TTLL11: variants seen among roughly 807,000 people sequenced by gnomAD.
TTLL11 encodes tubulin tyrosine ligase like 11.
In TTLL11, 42 loss-of-function variants were observed where a neutral mutation model predicts 51.7. That is an observed-to-expected ratio of 0.81 (90% CI 0.64 to 1.05). TTLL11 has a LOEUF of 1.05. Among genes scored for constraint, TTLL11 ranks in the 50% least tolerant of loss-of-function variants. The pLI, the probability that TTLL11 is intolerant of heterozygous loss-of-function variation, is 0.00. For missense variants in TTLL11, 799 were observed against 940.4 expected, an observed-to-expected ratio of 0.85 and a Z score of 1.97; for synonymous variants, 381 against 383.5, an observed-to-expected ratio of 0.99 and a Z score of 0.08.
At chr9:121,872,025 G>A (rs1838377119) in intron 6 of TTLL11, among the ~76,000 whole-genome samples, 1 of 152,220 alleles carries the variant, frequency 6.6e-6, no homozygotes, top group African/African-American at 2.4e-5. Context: ...ATGCTGCCTG[G>A]TTGACTAACT....
At chr9:121,960,339 C>T (rs1842178911) in intron 6 of TTLL11, among the ~76,000 whole-genome samples, 1 of 152,132 alleles carries the variant, frequency 6.6e-6, no homozygotes, top group Non-Finnish European at 1.5e-5. Flanking sequence ...GTGCATTATT[C>T]TGTTGGTGGA....
chr9:121,921,928 C>T (rs939008640), intron 6 of TTLL11, among the ~76,000 whole-genome samples: 3 of 152,198 alleles, frequency 2.0e-5, no homozygotes, highest in Admixed American at 6.5e-5. Flanking sequence ...TCTGAGCCCA[C>T]GGAGGAACCC....
chr9:121,834,829 GAAA>G lies in TTLL11; in HGVS notation c.1841-11953_1841-11951del, dbSNP rs201992639. Among the ~76,000 whole-genome samples, 1,310 of 141,178 alleles carry G rather than the reference GAAA, an allele frequency of 9.3e-3. 23 individuals are homozygous for G. Among genetic ancestry groups the G allele is most frequent in the African/African-American group, 0.033 (1,247 of 38,016 alleles). The allele number at this position is 141,178 out of a possible 152,430, so 92.6% of individuals were successfully genotyped here. ...GCGACAGAGTGAGACTCTGTCTCAG[GAAA>G]AAAAAAAAAAAATAGTGGCACAAGT... On this transcript the variant is annotated intron_variant, in intron 8 of 8. Coordinates refer to ENST00000321582, the MANE Select transcript of TTLL11 (RefSeq NM_001139442.2).
At chr9:121,973,898 T>A in intron 6 of TTLL11, 111 bp downstream of exon 6, 1 of 640,366 alleles carries the variant, frequency 1.6e-6, no homozygotes. Flanking sequence ...TTGTTTAAGA[T>A]GTAAATCTCA....
chr9:122,013,475 C>T (rs1024356116), intron 3 of TTLL11, among the ~76,000 whole-genome samples: 2 of 152,194 alleles, frequency 1.3e-5, no homozygotes, highest in African/African-American at 4.8e-5. Context: ...GGTCTCCCAA[C>T]AGAGGAAATG....
chr9:121,942,424 TTA>T (rs1841510650), intron 6 of TTLL11, among the ~76,000 whole-genome samples: 1 of 152,198 alleles, frequency 6.6e-6, no homozygotes, highest in East Asian at 1.9e-4. Context: ...CTTGTGTATT[TTA>T]TGTCTCCCTC....
At chr9:121,895,661 TTGTG>T (rs1254593417) in intron 6 of TTLL11, among the ~76,000 whole-genome samples, 7 of 143,032 alleles carry the variant, frequency 4.9e-5, no homozygotes, top group East Asian at 2.3e-4. Context: ...GTATGTGTGG[TTGTG>T]TGTGTTTATG....
chr9:121,861,157 G>A (rs995207035), intron 7 of TTLL11, among the ~76,000 whole-genome samples: 5 of 150,280 alleles, frequency 3.3e-5, no homozygotes, highest in Admixed American at 6.7e-5. Flanking sequence ...TTGTAATCTC[G>A]GCTCACTGCA....
At chr9:121,833,303 A>C (rs1349664215) in intron 8 of TTLL11, among the ~76,000 whole-genome samples, 3 of 152,142 alleles carry the variant, frequency 2.0e-5, no homozygotes, top group Non-Finnish European at 4.4e-5. Flanking sequence ...GCCCCTGACA[A>C]ACGATGGCCT....
intron 8 of TTLL11, among the ~76,000 whole-genome samples, chr9:121,846,833 C>T (rs1837527932): frequency 1.3e-5 from 2 of 152,040 alleles, no homozygotes; most frequent in African/African-American, 2.4e-5. Context: ...GAAGAAAGAT[C>T]TAAAATCAAT....
At chr9:121,897,229 C>T (rs1839558006) in intron 6 of TTLL11, among the ~76,000 whole-genome samples, 2 of 152,132 alleles carry the variant, frequency 1.3e-5, no homozygotes, top group African/African-American at 2.4e-5. Flanking sequence ...TTTTCCACAG[C>T]GGATATCCAC....
intron 4 of TTLL11, among the ~76,000 whole-genome samples, chr9:121,978,352 C>T (rs1220744466): frequency 6.6e-6 from 1 of 152,114 alleles, no homozygotes; most frequent in Non-Finnish European, 1.5e-5. Context: ...GTTTTCAAAC[C>T]GGGGTTCTTT....
intron 6 of TTLL11, among the ~76,000 whole-genome samples, chr9:121,883,722 G>C (rs540887007): frequency 1.3e-5 from 2 of 152,340 alleles, no homozygotes; most frequent in East Asian, 1.9e-4. Flanking sequence ...ACAGTTTGCA[G>C]TGGTGTTTCT....
At chr9:121,990,442 C>T (rs1300053916) in intron 3 of TTLL11, among the ~76,000 whole-genome samples, 2 of 152,204 alleles carry the variant, frequency 1.3e-5, no homozygotes, top group African/African-American at 4.8e-5. Context: ...CAATCCAAAG[C>T]CTGGCTGTCA....
At chr9:122,030,182 G>C (rs1399638766) in intron 3 of TTLL11, among the ~76,000 whole-genome samples, 1 of 124,490 alleles carries the variant, frequency 8.0e-6, no homozygotes, top group Admixed American at 9.5e-5. Flanking sequence ...AGCATGAGCA[G>C]AGCCACAGAA....
chr9:122,016,750 A>G (rs1224454468), intron 3 of TTLL11, among the ~76,000 whole-genome samples: 1 of 152,230 alleles, frequency 6.6e-6, no homozygotes, highest in Non-Finnish European at 1.5e-5. Flanking sequence ...ATTATTGAAC[A>G]GGTTTTTGGC....
intron 3 of TTLL11, among the ~76,000 whole-genome samples, chr9:122,030,200 AT>A (rs368236909): frequency 2.6e-4 from 20 of 76,014 alleles, no homozygotes; most frequent in African/African-American, 8.1e-4. Flanking sequence ...GAAGAGAGAC[AT>A]TGGGGGGGGG....
intron 6 of TTLL11, among the ~76,000 whole-genome samples, chr9:121,909,218 C>T (rs1840033835): frequency 6.6e-6 from 1 of 152,194 alleles, no homozygotes; most frequent in South Asian, 2.1e-4. Context: ...GTGACCAACT[C>T]AGCATTCCAC....
intron 1 of TTLL11, among the ~76,000 whole-genome samples, chr9:122,070,063 A>C (rs927668576): frequency 1.3e-5 from 2 of 151,944 alleles, no homozygotes; most frequent in African/African-American, 4.8e-5. Flanking sequence ...CAAACTTCTT[A>C]GGGTTTAGTG....
Sources: gnomAD v4.1 joint callset for allele counts (sites outside exome capture counted in the v4.1 genomes callset) on GRCh38, gnomAD v4.1.1 for gene constraint, MANE v1.5 for transcripts, NCBI Gene and HGNC (gene_info 2026-07-23, HGNC 2026-07-21) for gene names.